The following GNAL variants were observed in gnomAD, a reference collection of about 807,000 sequenced individuals.
The protein encoded by GNAL is guanine nucleotide-binding protein G(olf) subunit alpha.
GNAL carries 18 observed loss-of-function variants against 55.1 expected under a neutral mutation model. The observed-to-expected ratio is 0.33, with a 90% CI of 0.23 to 0.48. The LOEUF is 0.48. Among genes scored for constraint, GNAL ranks in the 20% least tolerant of loss-of-function variants. The pLI, the probability that GNAL is intolerant of heterozygous loss-of-function variation, is 0.99. For missense variants in GNAL, 412 were observed against 614.1 expected, an observed-to-expected ratio of 0.67 and a Z score of 3.48; for synonymous variants, 253 against 237.0, an observed-to-expected ratio of 1.07 and a Z score of -0.62.
At chr18:11,699,379 T>G (rs1487301318) in intron 1 of GNAL, among the ~76,000 whole-genome samples, 1 of 151,644 alleles carries the variant, frequency 6.6e-6, no homozygotes, top group Non-Finnish European at 1.5e-5. Flanking sequence ...GGTTTTTTTT[T>G]TATTTTTGTA....
intron 1 of GNAL, among the ~76,000 whole-genome samples, chr18:11,735,783 A>AGGAG (rs1193955007): frequency 3.3e-5 from 5 of 149,622 alleles, no homozygotes; most frequent in Non-Finnish European, 7.4e-5. Context: ...AGAGAAAGAA[A>AGGAG]GGAGGGAGGG....
At chr18:11,766,923 G>A (rs1168299111) in intron 4 of GNAL, among the ~76,000 whole-genome samples, 2 of 152,158 alleles carry the variant, frequency 1.3e-5, no homozygotes, top group African/African-American at 4.8e-5. Context: ...GATGGCATTT[G>A]GTAGTTCTTC....
At chr18:11,830,622 A>G (rs1344943150) in intron 5 of GNAL, among the ~76,000 whole-genome samples, 1 of 152,194 alleles carries the variant, frequency 6.6e-6, no homozygotes, top group South Asian at 2.1e-4. Flanking sequence ...TTCCACTCCT[A>G]GGTGTAAACC....
intron 5 of GNAL, among the ~76,000 whole-genome samples, chr18:11,859,670 G>A (rs1485215664): frequency 2.0e-5 from 3 of 152,010 alleles, no homozygotes; most frequent in African/African-American, 7.3e-5. Flanking sequence ...GACACCACTG[G>A]CTGATCAGGG....
chr18:11,792,288 C>T (rs1258944450), intron 4 of GNAL, among the ~76,000 whole-genome samples: 3 of 152,064 alleles, frequency 2.0e-5, no homozygotes, highest in Non-Finnish European at 4.4e-5. Flanking sequence ...CGAGTTCAAG[C>T]AATTCTCATG....
At chr18:11,700,730 C>T (rs1156556452) in intron 1 of GNAL, among the ~76,000 whole-genome samples, 2 of 152,200 alleles carry the variant, frequency 1.3e-5, no homozygotes, top group Non-Finnish European at 2.9e-5. Context: ...GCAGAAGAGC[C>T]TTGGAGAAGA....
At chr18:11,878,059 TTTGTA>T (rs2036574413) in intron 11 of GNAL, among the ~76,000 whole-genome samples, 2 of 152,206 alleles carry the variant, frequency 1.3e-5, no homozygotes, top group Non-Finnish European at 2.9e-5. Flanking sequence ...TAAGGAGCAT[TTTGTA>T]AGACCATAGC....
At chr18:11,714,793 A>G (rs899952405) in intron 1 of GNAL, among the ~76,000 whole-genome samples, 1 of 152,182 alleles carries the variant, frequency 6.6e-6, no homozygotes, top group African/African-American at 2.4e-5. Context: ...TTCAGTTCCC[A>G]AGTGTAACTT....
rs78323409 is a variant in GNAL, at chr18:11,880,920, G to A, written c.1231-69G>A. 2.2e-3 allele frequency: 3,299 copies of A among 1,519,392 alleles called. 51 individuals carry two copies. In the African/African-American group the frequency reaches 0.034, roughly 16 times the overall value. 94.1% of individuals were successfully genotyped at this position (1,519,392 alleles called of 1,614,324 possible). On this transcript the variant is annotated intron_variant, in intron 11 of 11. Coordinates refer to ENST00000334049, the MANE Select transcript of GNAL (RefSeq NM_182978.4). ...CCAAAGCCTCCAGCACCTGCTCAGC[G>A]TGGCCTAGTCCTTCCCCAGAGTACA... is the stretch of plus-strand genomic sequence containing the variant.
intron 1 of GNAL, among the ~76,000 whole-genome samples, chr18:11,708,569 A>G (rs1269322486): frequency 2.0e-5 from 3 of 152,258 alleles, no homozygotes; most frequent in African/African-American, 7.2e-5. Context: ...AAGTGAGCAC[A>G]TGCTGTTGGA....
intron 4 of GNAL, among the ~76,000 whole-genome samples, chr18:11,790,661 C>CTTTTTTT (rs397941591): frequency 1.4e-5 from 1 of 71,450 alleles, no homozygotes; most frequent in Non-Finnish European, 3.1e-5. Context: ...CTTTTTTTTT[C>CTTTTTTT]TTTTTTTTTT....
chr18:11,820,304 T>C (rs1301961497), intron 4 of GNAL, among the ~76,000 whole-genome samples: 1 of 152,212 alleles, frequency 6.6e-6, no homozygotes, highest in African/African-American at 2.4e-5. Flanking sequence ...GGGTGGCGTA[T>C]TTTGATCCCT....
intron 4 of GNAL, among the ~76,000 whole-genome samples, chr18:11,768,948 C>CATATTATTA (rs2033510939): frequency 1.7e-5 from 2 of 116,324 alleles, no homozygotes; most frequent in Non-Finnish European, 3.4e-5. Flanking sequence ...ATATATATTA[C>CATATTATTA]TATATGTTAT....
intron 1 of GNAL, among the ~76,000 whole-genome samples, chr18:11,745,249 C>A (rs772403446): frequency 3.4e-4 from 52 of 152,220 alleles, no homozygotes; most frequent in Admixed American, 8.5e-4. Flanking sequence ...TGAATTTTTT[C>A]ATCCTTTCAT....
chr18:11,697,185 G>A (rs940978524), intron 1 of GNAL, among the ~76,000 whole-genome samples: 7 of 152,236 alleles, frequency 4.6e-5, no homozygotes, highest in African/African-American at 1.2e-4. Flanking sequence ...GGCTGGCTTC[G>A]CCAAACATTA....
Position 11,731,165 on chromosome 18 carries a change from T to G in GNAL, c.377-21688T>G, listed in dbSNP as rs537546154. On this transcript the variant is annotated intron_variant, in intron 1 of 11. Transcript: ENST00000334049. ...CAGTTTTTGTTGTTGTTGTTGTTTT[T>G]GAGACGGAGTCTCACTCTGTTGCCC... 1.1e-4 allele frequency among the ~76,000 whole-genome samples: 16 copies of G among 152,368 alleles called. No individual in the cohort carries two copies. The South Asian group carries it at 2.7e-3, about 26-fold the overall frequency.
chr18:11,722,999 G>A (rs1282397355), intron 1 of GNAL, among the ~76,000 whole-genome samples: 3 of 98,584 alleles, frequency 3.0e-5, no homozygotes, highest in Admixed American at 1.4e-4. Flanking sequence ...CAACAAGAGC[G>A]AAACTTCATC....
intron 4 of GNAL, among the ~76,000 whole-genome samples, chr18:11,788,914 A>AAATAT (rs60071996): frequency 1.8e-5 from 1 of 56,302 alleles, no homozygotes; most frequent in African/African-American, 1.0e-4. Flanking sequence ...AAAAAAAAAA[A>AAATAT]ATATATATAT....
At chr18:11,755,764 C>A (rs892544874) in intron 4 of GNAL, among the ~76,000 whole-genome samples, 1 of 152,044 alleles carries the variant, frequency 6.6e-6, no homozygotes, top group Non-Finnish European at 1.5e-5. Flanking sequence ...TTGGAGAGGG[C>A]AAGGGGTTGA....
Sources: allele counts gnomAD v4.1 joint callset (sites outside exome capture counted in the v4.1 genomes callset), GRCh38; gene constraint gnomAD v4.1.1; transcripts MANE v1.5; gene names NCBI Gene and HGNC (gene_info 2026-07-23, HGNC 2026-07-21).